The following BORCS5 variants were observed in gnomAD, a reference collection of about 807,000 sequenced individuals.
BORCS5 encodes the protein BLOC-1-related complex subunit 5.
BORCS5 carries 17 observed loss-of-function variants against 22.1 expected under a neutral mutation model. That is an observed-to-expected ratio of 0.77 (90% confidence interval 0.53 to 1.15). BORCS5 has a LOEUF of 1.15. Ranked by LOEUF, BORCS5 falls within the 50% of genes most tolerant of loss-of-function variation. BORCS5 has a pLI of 0.00. For missense variants in BORCS5, 247 were observed against 253.2 expected, an observed-to-expected ratio of 0.98 and a Z score of 0.17; for synonymous variants, 117 against 99.8, an observed-to-expected ratio of 1.17 and a Z score of -1.03.
rs558295969 is a variant in BORCS5, at chr12:12,423,928, G to T, written c.203-11700G>T. On this transcript the variant is annotated intron_variant, in intron 2 of 3. Coordinates refer to ENST00000314565, the MANE Select transcript of BORCS5 (RefSeq NM_058169.6). Reference sequence around the variant, plus strand: ...TGGTGTCAAACTCCTGACCTCAAGTGATCTGCCCACCTTGGCCTCCCAAAG... The same window carrying T: ...TGGTGTCAAACTCCTGACCTCAAGTTATCTGCCCACCTTGGCCTCCCAAAG... Among the ~76,000 whole-genome samples the T allele has an allele frequency of 4.6e-5, 7 of 152,310 alleles. No individual in the cohort carries two copies. The South Asian group carries it at 1.5e-3, about 32-fold the overall frequency.
intron 3 of BORCS5, chr12:12,452,421 G>C: frequency 3.6e-6 from 2 of 552,096 alleles, no homozygotes; most frequent in Non-Finnish European, 7.3e-6. Context: ...AATCCATAGG[G>C]CTGGTAGAAC....
rs10630444 is a variant in BORCS5 at position 12,389,135 on chromosome 12, C to CTTT, written c.202+27803_202+27805dup. On this transcript the variant is annotated intron_variant, in intron 2 of 3. Coordinates refer to ENST00000314565, the MANE Select transcript of BORCS5 (RefSeq NM_058169.6). ...TCCCCTAGGTCCTTACAAGTAAGTA[C>CTTT]TTTTTTTTTTTTTTTTTTTGAGACG... 4.7e-3 allele frequency among the ~76,000 whole-genome samples: 549 copies of CTTT among 117,858 alleles called. 25 individuals carry two copies. The highest frequency in any genetic ancestry group is 6.4e-3 in the Non-Finnish European group (372 of 58,004). 77.3% of individuals were successfully genotyped at this position (117,858 alleles called of 152,430 possible).
chr12:12,389,299 G>A (rs1445812751), intron 2 of BORCS5, among the ~76,000 whole-genome samples: 1 of 150,056 alleles, frequency 6.7e-6, no homozygotes, highest in Non-Finnish European at 1.5e-5. Flanking sequence ...CACCACGCCT[G>A]GCTAATTTTT....
chr12:12,460,328 C>T (rs998605396), intron 3 of BORCS5, among the ~76,000 whole-genome samples: 6 of 152,166 alleles, frequency 3.9e-5, no homozygotes, highest in Non-Finnish European at 8.8e-5. Context: ...TGTAGAAATA[C>T]AATTGATTTC....
At chr12:12,418,583 A>C (rs914554967) in intron 2 of BORCS5, among the ~76,000 whole-genome samples, 1 of 152,168 alleles carries the variant, frequency 6.6e-6, no homozygotes, top group African/African-American at 2.4e-5. Flanking sequence ...GCTACTTGGG[A>C]GTCTAAGGCA....
At chr12:12,453,074 A>G (rs1326371658) in intron 3 of BORCS5, among the ~76,000 whole-genome samples, 1 of 152,218 alleles carries the variant, frequency 6.6e-6, no homozygotes, top group Non-Finnish European at 1.5e-5. Context: ...CCGGGTTTGC[A>G]AACTGGAAGA....
intron 2 of BORCS5, among the ~76,000 whole-genome samples, chr12:12,406,947 C>T (rs1428928363): frequency 1.3e-5 from 2 of 152,178 alleles, no homozygotes; most frequent in Admixed American, 6.5e-5. Flanking sequence ...GTGGAGAGCA[C>T]CTAGGTCTGG....
At chr12:12,400,714 GC>G (rs1352819910) in intron 2 of BORCS5, among the ~76,000 whole-genome samples, 4 of 151,658 alleles carry the variant, frequency 2.6e-5, no homozygotes, top group Admixed American at 2.6e-4. Flanking sequence ...AATAAACAAC[GC>G]CCCCTCCCCA....
intron 2 of BORCS5, among the ~76,000 whole-genome samples, chr12:12,406,011 CAA>C (rs1022841424): frequency 6.6e-6 from 1 of 152,254 alleles, no homozygotes; most frequent in Non-Finnish European, 1.5e-5. Context: ...CCTTGCACGG[CAA>C]ACAATGCTGG....
chr12:12,423,744 A>G (rs113549576), intron 2 of BORCS5, among the ~76,000 whole-genome samples: 4 of 152,112 alleles, frequency 2.6e-5, no homozygotes, highest in African/African-American at 7.2e-5. Context: ...GCTAGAGTGC[A>G]GTAGTGCAAT....
chr12:12,419,687 C>T (rs61543155), intron 2 of BORCS5, among the ~76,000 whole-genome samples: 41,841 of 152,038 alleles, frequency 0.28, 7,307 homozygotes, highest in African/African-American at 0.5. Flanking sequence ...CCTGTTTCTC[C>T]GCATCCTCTC....
chr12:12,359,960 T>C (rs1466420507), intron 1 of BORCS5, among the ~76,000 whole-genome samples: 1 of 152,138 alleles, frequency 6.6e-6, no homozygotes, highest in African/African-American at 2.4e-5. Flanking sequence ...TATATATATA[T>C]ATCTCAAGAT....
chr12:12,415,442 C>CTAGAAATGATTTCTGAT (rs1941912491), intron 2 of BORCS5, among the ~76,000 whole-genome samples: 1 of 150,520 alleles, frequency 6.6e-6, no homozygotes, highest in African/African-American at 2.4e-5. Context: ...CGCAGGCACT[C>CTAGAAATGATTTCTGAT]GGCAGGCTGA....
intron 3 of BORCS5, among the ~76,000 whole-genome samples, chr12:12,438,276 G>A (rs1445423319): frequency 2.0e-5 from 3 of 149,242 alleles, no homozygotes; most frequent in East Asian, 2.0e-4. Flanking sequence ...CACAAGAATC[G>A]CTTGAACCTG....
Position 12,443,732 on chromosome 12 carries a change from T to C in BORCS5, c.360+7947T>C, listed in dbSNP as rs541253383. On this transcript the variant is annotated intron_variant, in intron 3 of 3. Coordinates refer to ENST00000314565, the MANE Select transcript of BORCS5 (RefSeq NM_058169.6). ...TTAACTCCATTCCGCTTTTGGACAA[T>C]GACATATGAGCATGTGTGAACAGCA... is the stretch of plus-strand genomic sequence containing the variant. Among the ~76,000 whole-genome samples the C allele has an allele frequency of 4.6e-5, 7 of 152,350 alleles. No individual in the cohort carries two copies. The South Asian group carries it at 1.5e-3, about 32-fold the overall frequency.
intron 2 of BORCS5, among the ~76,000 whole-genome samples, chr12:12,394,792 GC>G (rs999621335): frequency 6.6e-6 from 1 of 152,108 alleles, no homozygotes; most frequent in African/African-American, 2.4e-5. Context: ...TGTGTGGAGT[GC>G]CTGTTTCCCA....
intron 2 of BORCS5, among the ~76,000 whole-genome samples, chr12:12,386,565 C>T (rs1248612083): frequency 6.6e-6 from 1 of 150,436 alleles, no homozygotes; most frequent in African/African-American, 2.5e-5. Context: ...CAACCTCTAC[C>T]TCCTGGGTTC....
At position 12,357,151 on chromosome 12, in the gene BORCS5, G is replaced by C. The variant is rs1041634432; in HGVS notation, c.-301G>C. On this transcript the variant is annotated 5_prime_UTR_variant, in exon 1 of 4. Transcript: ENST00000314565. Reference sequence around the variant, plus strand: ...AAAGCGGCGCCGCCCGCCGGCCGCAGGTGCGGCAAAGCCAGTGTCATCTGC... The same window carrying C: ...AAAGCGGCGCCGCCCGCCGGCCGCACGTGCGGCAAAGCCAGTGTCATCTGC... 1 of 1,533,178 alleles carries C rather than the reference G, an allele frequency of 6.5e-7. No individual in the cohort carries two copies. Among genetic ancestry groups the C allele is most frequent in the Non-Finnish European group, 8.7e-7 (1 of 1,145,750 alleles). 95.0% of individuals were successfully genotyped at this position (1,533,178 alleles called of 1,614,324 possible).
chr12:12,386,798 C>T (rs1863894021), intron 2 of BORCS5, among the ~76,000 whole-genome samples: 1 of 151,200 alleles, frequency 6.6e-6, no homozygotes, highest in South Asian at 2.1e-4. Context: ...TCCTTCCTCC[C>T]TGCCCACCCA....
Sources: gnomAD v4.1 joint callset for allele counts (sites outside exome capture counted in the v4.1 genomes callset) on GRCh38, gnomAD v4.1.1 for gene constraint, MANE v1.5 for transcripts, NCBI Gene and HGNC (gene_info 2026-07-23, HGNC 2026-07-21) for gene names.